TMPO: variants seen among roughly 807,000 people sequenced by gnomAD.
TMPO encodes thymopoietin, also known as LEM domain containing 4.
In TMPO, 22 loss-of-function variants were observed where a neutral mutation model predicts 45.4. That is an observed-to-expected ratio of 0.48 (90% CI 0.35 to 0.69). The LOEUF (loss-of-function observed/expected upper bound fraction) is 0.69, where lower values mean the gene tolerates loss of function less well. TMPO is among the 30% of genes least tolerant of loss of function. The probability of loss-of-function intolerance (pLI) is 0.01; values close to 1 mark genes in which losing one functional copy is unlikely to be tolerated. For synonymous variants in TMPO, 241 were observed against 204.1 expected, an observed-to-expected ratio of 1.18 and a Z score of -1.54; for missense variants, 512 against 548.8, an observed-to-expected ratio of 0.93 and a Z score of 0.67.
intron 4 of TMPO, among the ~76,000 whole-genome samples, chr12:98,540,419 A>G (rs986284496): frequency 3.3e-5 from 5 of 152,218 alleles, no homozygotes; most frequent in African/African-American, 9.6e-5. Flanking sequence ...ATGGAGTTTC[A>G]TTCTTTTTGC....
intron 6 of TMPO, 101 bp downstream of exon 6, chr12:98,544,638 GTT>G (rs34340378): frequency 5.1e-5 from 39 of 763,510 alleles, no homozygotes; most frequent in African/African-American, 7.3e-5. Flanking sequence ...AAATTTACAT[GTT>G]TTTTTTTTTT....
chr12:98,538,605 GGCCTCCGAAAGT>G (rs749267369), intron 4 of TMPO, among the ~76,000 whole-genome samples: 7 of 152,008 alleles, frequency 4.6e-5, no homozygotes, highest in Non-Finnish European at 7.4e-5. Context: ...CACCTGCATT[GGCCTCCGAAAGT>G]GCTGGGATTA....
intron 3 of TMPO, chr12:98,533,505 G>C (rs1458797847): frequency 6.2e-7 from 1 of 1,614,164 alleles, no homozygotes; most frequent in Admixed American, 1.7e-5. Flanking sequence ...ATCAGTCTAA[G>C]TTTCAAGAAA....
At chr12:98,541,033 A>G (rs1877885643) in intron 4 of TMPO, among the ~76,000 whole-genome samples, 1 of 150,764 alleles carries the variant, frequency 6.6e-6, no homozygotes, top group African/African-American at 2.5e-5. Context: ...GATCAGTTAC[A>G]GTCATCATTC....
rs180970996 is a variant in TMPO, at chr12:98,539,522, G to T, written c.663+1950G>T. Among the ~76,000 whole-genome samples, 287 of 145,830 alleles carry T rather than the reference G, an allele frequency of 2.0e-3. 1 individual carries two copies. Among genetic ancestry groups the T allele is most frequent in the Non-Finnish European group, 3.2e-3 (213 of 67,060 alleles). On this transcript the variant is annotated intron_variant, in intron 4 of 8. Coordinates refer to ENST00000556029, the MANE Select transcript of TMPO (RefSeq NM_001032283.3). ...GAATCTCACTCTGTCGCCCAGGTTG[G>T]AGTGCAGTGGCACAATCTCGGCTCA... is the stretch of plus-strand genomic sequence containing the variant.
chr12:98,547,989 G>A lies in TMPO; in HGVS notation c.*131G>A. 9.2e-7 allele frequency: 1 copy of A among 1,090,686 alleles called. No homozygotes were observed. Among genetic ancestry groups the A allele is most frequent in the Non-Finnish European group, 1.3e-6 (1 of 755,962 alleles). 67.6% of individuals were successfully genotyped at this position (1,090,686 alleles called of 1,614,324 possible). A position where few individuals can be genotyped will look rare whatever the true frequency, so the allele number is the denominator to read the frequency against. ...GCCTCAATAAATGTAGTATTTCATT[G>A]AAAAGCAAACAAAATATATATAAAT... On this transcript the variant is annotated 3_prime_UTR_variant, in exon 9 of 9. Transcript: ENST00000556029.
chr12:98,533,142 T>A lies in TMPO; in HGVS notation c.565+1304T>A, dbSNP rs142500409. 8.8e-5 allele frequency: 142 copies of A among 1,614,070 alleles called. No individual in the cohort carries two copies. The highest frequency in any genetic ancestry group is 1.1e-4 in the Non-Finnish European group (133 of 1,180,042). On this transcript the variant is annotated intron_variant, in intron 3 of 8. Transcript: ENST00000556029. ...GTTTAGAGAAAAGTTCTTCGTCATC[T>A]TCTCAGCCTGAACACAGTGCCATGT...
At chr12:98,533,842 CAG>C in intron 3 of TMPO, 1 of 1,614,224 alleles carries the variant, frequency 6.2e-7, no homozygotes, top group Non-Finnish European at 8.5e-7. Flanking sequence ...GGAGGCAACA[CAG>C]ATATTATCAG....
At chr12:98,524,515 G>A (rs1399429875) in intron 1 of TMPO, among the ~76,000 whole-genome samples, 1 of 151,952 alleles carries the variant, frequency 6.6e-6, no homozygotes, top group East Asian at 1.9e-4. Context: ...GAAGGTTGCA[G>A]CAAGGCAAGA....
At chr12:98,532,845 AG>A in intron 3 of TMPO, 1 of 1,614,208 alleles carries the variant, frequency 6.2e-7, no homozygotes, top group Non-Finnish European at 8.5e-7. Context: ...AACACAAGAA[AG>A]TGAAGTCCAC....
At chr12:98,526,974 G>T (rs1259323017) in intron 1 of TMPO, among the ~76,000 whole-genome samples, 1 of 151,380 alleles carries the variant, frequency 6.6e-6, no homozygotes, top group Non-Finnish European at 1.5e-5. Flanking sequence ...AAAAGAAAAA[G>T]AAAAGAAAAT....
At chr12:98,521,978 C>G (rs956261465) in intron 1 of TMPO, among the ~76,000 whole-genome samples, 1 of 152,082 alleles carries the variant, frequency 6.6e-6, no homozygotes, top group Non-Finnish European at 1.5e-5. Context: ...GATCTGCCCC[C>G]CTTAGCCTCC....
At chr12:98,521,129 A>G (rs1367192232) in intron 1 of TMPO, among the ~76,000 whole-genome samples, 2 of 50,886 alleles carry the variant, frequency 3.9e-5, no homozygotes, top group East Asian at 6.4e-4. Flanking sequence ...TTTTTTTGAG[A>G]CGGAGTGTCG....
intron 1 of TMPO, among the ~76,000 whole-genome samples, chr12:98,527,083 T>TA (rs1876821692): frequency 6.6e-6 from 1 of 152,194 alleles, no homozygotes; most frequent in African/African-American, 2.4e-5. Flanking sequence ...AGTTAGTAAG[T>TA]AGCATTCATG....
intron 4 of TMPO, among the ~76,000 whole-genome samples, chr12:98,540,195 A>G (rs1877828058): frequency 6.6e-6 from 1 of 152,180 alleles, no homozygotes; most frequent in Non-Finnish European, 1.5e-5. Flanking sequence ...TCATTTAATT[A>G]GCTTCTCTAT....
At chr12:98,529,686 G>A (rs894191529) in intron 2 of TMPO, among the ~76,000 whole-genome samples, 4 of 151,658 alleles carry the variant, frequency 2.6e-5, no homozygotes, top group Non-Finnish European at 5.9e-5. Context: ...AGCCTCTCAA[G>A]TAGCTGGGAA....
chr12:98,530,024 T>A (rs1047392792), intron 2 of TMPO, among the ~76,000 whole-genome samples: 3 of 152,206 alleles, frequency 2.0e-5, no homozygotes, highest in Non-Finnish European at 4.4e-5. Context: ...TATAACACTT[T>A]TAAAAAATGT....
chr12:98,520,310 T>TTCCTTCC (rs755914522), intron 1 of TMPO, among the ~76,000 whole-genome samples: 6,213 of 99,538 alleles, frequency 0.062, 195 homozygotes, highest in African/African-American at 0.078. Context: ...TCCTTCCTTC[T>TTCCTTCC]GTGTGTGTGA....
chr12:98,534,664 AG>A (rs1877461254), intron 3 of TMPO: 1 of 1,155,054 alleles, frequency 8.7e-7, no homozygotes, highest in African/African-American at 1.6e-5. Context: ...GGATATAAGG[AG>A]TATTTACTGT....
Sources: gnomAD v4.1 joint callset for allele counts (sites outside exome capture counted in the v4.1 genomes callset) on GRCh38, gnomAD v4.1.1 for gene constraint, MANE v1.5 for transcripts, NCBI Gene and HGNC (gene_info 2026-07-23, HGNC 2026-07-21) for gene names.